Variants in CSRP1 observed in about 807,000 individuals in gnomAD.
CSRP1 encodes the protein cysteine and glycine rich protein 1.
Under a neutral mutation model 25.4 loss-of-function variants are expected in CSRP1, and 16 were observed. The observed-to-expected ratio is 0.63, with a 90% CI of 0.43 to 0.96. The LOEUF (loss-of-function observed/expected upper bound fraction) is 0.96, where lower values mean the gene tolerates loss of function less well. Among genes scored for constraint, CSRP1 ranks in the 40% least tolerant of loss-of-function variants. The probability of loss-of-function intolerance (pLI) is 0.00; values close to 1 mark genes in which losing one functional copy is unlikely to be tolerated. For synonymous variants in CSRP1, 97 were observed against 95.3 expected (o/e 1.02, Z -0.10); for missense variants, 212 against 243.6 (o/e 0.87, Z 0.86).
At chr1:201,495,851 G>A (rs562915763) in intron 2 of CSRP1, 2 of 224,396 alleles carry the variant, frequency 8.9e-6, no homozygotes, top group East Asian at 1.9e-4. Context: ...GGTGCAAAGG[G>A]CTGAAAGTGT....
In CSRP1 at chr1:201,484,656, A is replaced by G; in HGVS notation, c.*57T>C. On this transcript the variant is annotated 3_prime_UTR_variant, in exon 6 of 6. Coordinates refer to ENST00000340006, the MANE Select transcript of CSRP1 (RefSeq NM_004078.3). ...CCTGGAGGTCTCCAAAGCTGCTGGGAATGGAATGGCGATGAAAAGCGCAGG... is the reference window on the plus strand; with the variant it reads ...CCTGGAGGTCTCCAAAGCTGCTGGGGATGGAATGGCGATGAAAAGCGCAGG... 5 of 1,477,336 alleles carry G rather than the reference A, an allele frequency of 3.4e-6. No homozygotes were observed. The highest frequency in any genetic ancestry group is 4.7e-6 in the Non-Finnish European group (5 of 1,069,996). 91.5% of individuals were successfully genotyped at this position (1,477,336 alleles called of 1,614,324 possible).
At chr1:201,494,020 G>A (rs1317856175) in intron 2 of CSRP1, among the ~76,000 whole-genome samples, 2 of 152,058 alleles carry the variant, frequency 1.3e-5, no homozygotes, top group Non-Finnish European at 2.9e-5. Context: ...TCCAATAGCT[G>A]CACTGGCCCT....
Position 201,484,281 on chromosome 1 carries a change from A to C in CSRP1, c.*432T>G. 2 of 507,172 alleles carry C rather than the reference A, an allele frequency of 3.9e-6. No individual in the cohort carries two copies. The highest frequency in any genetic ancestry group is 7.1e-6 in the Non-Finnish European group (2 of 283,188). 31.4% of individuals were successfully genotyped at this position (507,172 alleles called of 1,614,324 possible). A position where few individuals can be genotyped will look rare whatever the true frequency, so the allele number is the denominator to read the frequency against. On this transcript the variant is annotated 3_prime_UTR_variant, in exon 6 of 6. Coordinates refer to ENST00000340006, the MANE Select transcript of CSRP1 (RefSeq NM_004078.3). ...CAGAGGAGAATCTCTGAGATCCAAA[A>C]AACCCAGCCTTCCCCCCTCCTCATC...
intron 1 of CSRP1, among the ~76,000 whole-genome samples, chr1:201,496,998 C>G (rs746406146): frequency 4.6e-5 from 7 of 152,146 alleles, no homozygotes; most frequent in Non-Finnish European, 8.8e-5. Context: ...TTTGTGCACA[C>G]TTTTGTATAT....
chr1:201,504,419 G>C (rs148011076), intron 1 of CSRP1, among the ~76,000 whole-genome samples: 4 of 152,346 alleles, frequency 2.6e-5, no homozygotes, highest in Admixed American at 2.0e-4. Flanking sequence ...GTTCAGGTTT[G>C]TATCTCTTTT....
chr1:201,484,891 C>T (rs1571771302), intron 5 of CSRP1, 102 bp from the exon 6 acceptor site: 1 of 1,020,216 alleles, frequency 9.8e-7, no homozygotes, highest in African/African-American at 1.6e-5. Context: ...CCCAGCCAGA[C>T]TGCTAGGGAA....
Position 201,490,211 on chromosome 1 carries a change from AGTGCTGAGG to A in CSRP1, c.237_245del (p.Leu80_Thr82del). 6.2e-7 allele frequency: 1 copy of A among 1,614,124 alleles called. No individual in the cohort carries two copies. The highest frequency in any genetic ancestry group is 8.5e-7 in the Non-Finnish European group (1 of 1,180,010). On this transcript the variant is annotated inframe_deletion, in exon 3 of 6. Transcript: ENST00000340006. The stretch of plus-strand genomic sequence containing the variant: ...TGATACCCAGCGACTCCCCCTTGTC[AGTGCTGAGG>A]GTGCCTGCGCCCTGCCCGTAGCCAT...
chr1:201,491,124 C>T (rs7527761), intron 2 of CSRP1: 68,773 of 151,988 alleles, frequency 0.45, 19,321 homozygotes, highest in Non-Finnish European at 0.65. Flanking sequence ...GGGAGCTATG[C>T]CCAGCTATCC....
At chr1:201,503,721 A>G (rs1446161052) in intron 1 of CSRP1, among the ~76,000 whole-genome samples, 3 of 152,214 alleles carry the variant, frequency 2.0e-5, no homozygotes, top group Non-Finnish European at 2.9e-5. Flanking sequence ...CGTCATTACC[A>G]TATAAATTCT....
At chr1:201,486,653 C>T in intron 4 of CSRP1, 2 of 1,041,166 alleles carry the variant, frequency 1.9e-6, no homozygotes, top group Non-Finnish European at 2.3e-6. Context: ...TAGACCAACA[C>T]CTCTCCTCAT....
Position 201,484,142 on chromosome 1 carries a change from G to A in CSRP1, c.*571C>T. ...ACTCAAAGGCAAGAGGCCTGGAGAA[G>A]CAGGGGCTCCTAGGACCCTGCCTGC... On this transcript the variant is annotated 3_prime_UTR_variant, in exon 6 of 6. Coordinates refer to ENST00000340006, the MANE Select transcript of CSRP1 (RefSeq NM_004078.3). 1.5e-6 allele frequency: 1 copy of A among 649,540 alleles called. No individual in the cohort carries two copies. Among genetic ancestry groups the A allele is most frequent in the Non-Finnish European group, 2.9e-6 (1 of 348,258 alleles). The allele number at this position is 649,540 out of a possible 1,614,324, so 40.2% of individuals were successfully genotyped here. A position where few individuals can be genotyped will look rare whatever the true frequency, so the allele number is the denominator to read the frequency against.
intron 1 of CSRP1, among the ~76,000 whole-genome samples, chr1:201,505,912 G>A (rs564848607): frequency 7.7e-4 from 118 of 152,308 alleles, no homozygotes; most frequent in African/African-American, 2.8e-3. Context: ...AGCACCTCCA[G>A]CCTCCTTAGC....
chr1:201,502,283 T>C (rs1044365009), intron 1 of CSRP1, among the ~76,000 whole-genome samples: 1 of 152,244 alleles, frequency 6.6e-6, no homozygotes, highest in African/African-American at 2.4e-5. Flanking sequence ...CAGATGTTTA[T>C]CTAGCTCCCT....
chr1:201,493,591 A>G (rs1664410479), intron 2 of CSRP1, among the ~76,000 whole-genome samples: 2 of 152,186 alleles, frequency 1.3e-5, no homozygotes, highest in Admixed American at 1.3e-4. Context: ...TAAATTACCC[A>G]GTCTCAGGTA....
chr1:201,494,987 G>A (rs1206293081), intron 2 of CSRP1, among the ~76,000 whole-genome samples: 1 of 152,202 alleles, frequency 6.6e-6, no homozygotes, highest in Admixed American at 6.5e-5. Flanking sequence ...CCGTAATAAT[G>A]AGAAAACTCA....
chr1:201,496,136 G>C, intron 2 of CSRP1, 56 bp downstream of exon 2: 1 of 1,378,982 alleles, frequency 7.3e-7, no homozygotes, highest in Non-Finnish European at 1.0e-6. Flanking sequence ...AGCCTGTGGG[G>C]GCAGGCCCGT....
intron 2 of CSRP1, among the ~76,000 whole-genome samples, chr1:201,494,748 C>T (rs746009787): frequency 6.6e-6 from 1 of 152,238 alleles, no homozygotes; most frequent in Non-Finnish European, 1.5e-5. Context: ...TCTTGGATCT[C>T]CCCATCTTCA....
chr1:201,485,315 A>G lies in CSRP1; in HGVS notation c.473T>C (p.Leu158Pro). The part of the protein sequence containing the change: ...KCGKGLESTT[L>P]ADKDGEIYCK... The stretch of plus-strand genomic sequence containing the variant: ...GTAAATCTCGCCATCCTTGTCTGCC[A>G]GGGTGGTTGACTCAAGGCCTTTGCC... The change falls in exon 5 of 6, where the codon CTG becomes CCG. Residue 158 changes from leucine to proline, a missense_variant. Coordinates refer to ENST00000340006, the MANE Select transcript of CSRP1 (RefSeq NM_004078.3). The G allele has an allele frequency of 6.2e-7, 1 of 1,614,178 alleles. No homozygotes were observed. Among genetic ancestry groups the G allele is most frequent in the Non-Finnish European group, 8.5e-7 (1 of 1,180,018 alleles).
In CSRP1 at chr1:201,483,562, G is replaced by C. The variant is rs1054160; in HGVS notation, c.*1151C>G. 1 of 165,652 alleles carries C rather than the reference G, an allele frequency of 6.0e-6. No homozygotes were observed. The allele number at this position is 165,652 out of a possible 1,614,324, so 10.3% of individuals were successfully genotyped here. A position where few individuals can be genotyped will look rare whatever the true frequency, so the allele number is the denominator to read the frequency against. On this transcript the variant is annotated 3_prime_UTR_variant, in exon 6 of 6. Transcript: ENST00000340006. ...CTAAACAGCTTTATTGACCAGATGA[G>C]AAATCAGCTTGGGTACAGCCCATGC...
Sources: gnomAD v4.1 joint callset for allele counts (sites outside exome capture counted in the v4.1 genomes callset) on GRCh38, gnomAD v4.1.1 for gene constraint, MANE v1.5 for transcripts, NCBI Gene and HGNC (gene_info 2026-07-23, HGNC 2026-07-21) for gene names.